Variants in TMC7 observed in about 807,000 individuals in gnomAD.
TMC7 encodes the protein transmembrane channel-like protein 7.
In TMC7, 54 loss-of-function variants were observed where a neutral mutation model predicts 82.9. That is an observed-to-expected ratio of 0.65 (90% CI 0.52 to 0.82). The LOEUF is 0.82. TMC7 is among the 40% of genes least tolerant of loss of function. The pLI is 0.00. For missense variants in TMC7, 820 were observed against 901.2 expected, an observed-to-expected ratio of 0.91 and a Z score of 1.15; for synonymous variants, 350 against 337.9, an observed-to-expected ratio of 1.04 and a Z score of -0.39.
At chr16:19,041,005 C>G (rs1298353631) in intron 9 of TMC7, among the ~76,000 whole-genome samples, 1 of 151,740 alleles carries the variant, frequency 6.6e-6, no homozygotes, top group African/African-American at 2.4e-5. Flanking sequence ...ATCCTCCCAC[C>G]TCAGCCTCCC....
intron 1 of TMC7, among the ~76,000 whole-genome samples, chr16:18,988,156 CTTTTTT>C (rs760359195): frequency 7.8e-6 from 1 of 128,978 alleles, no homozygotes; most frequent in Admixed American, 8.0e-5. Context: ...TTCTCTCTTT[CTTTTTT>C]TTTTTTTTTT....
At chr16:19,058,888 C>CT (rs1961883465) in intron 14 of TMC7, among the ~76,000 whole-genome samples, 1 of 151,512 alleles carries the variant, frequency 6.6e-6, no homozygotes, top group South Asian at 2.1e-4. Flanking sequence ...TTTTCTTTTC[C>CT]TTTTTTTTAG....
intron 1 of TMC7, among the ~76,000 whole-genome samples, chr16:19,004,462 T>A (rs1400454713): frequency 6.6e-6 from 1 of 152,130 alleles, no homozygotes; most frequent in South Asian, 2.1e-4. Context: ...CCTCCTGGCT[T>A]CAAGCAATTC....
chr16:19,041,384 G>A (rs977263051), intron 9 of TMC7, among the ~76,000 whole-genome samples: 4 of 145,878 alleles, frequency 2.7e-5, no homozygotes, highest in Non-Finnish European at 6.0e-5. Context: ...TTTTTTTTTT[G>A]AGACGGAGAC....
chr16:19,045,245 C>A, intron 10 of TMC7, 96 bp from the exon 11 acceptor site: 2 of 1,028,856 alleles, frequency 1.9e-6, no homozygotes, highest in Non-Finnish European at 3.0e-6. Flanking sequence ...GCCACAGGAT[C>A]TGGAGTTGGA....
chr16:19,038,808 G>T (rs996341463), intron 8 of TMC7, among the ~76,000 whole-genome samples: 23 of 151,988 alleles, frequency 1.5e-4, no homozygotes, highest in African/African-American at 4.6e-4. Flanking sequence ...GTTAGCCACC[G>T]CACCTGGCCT....
chr16:19,043,938 C>T (rs1251805810), intron 9 of TMC7, among the ~76,000 whole-genome samples: 4 of 150,458 alleles, frequency 2.7e-5, no homozygotes, highest in Admixed American at 6.7e-5. Context: ...GGTGTGATCT[C>T]GGCTCACTGC....
At chr16:18,987,849 C>T (rs1183193090) in intron 1 of TMC7, among the ~76,000 whole-genome samples, 5 of 152,148 alleles carry the variant, frequency 3.3e-5, no homozygotes, top group Non-Finnish European at 5.9e-5. Context: ...TCAAGGGACA[C>T]TCAATGAAAG....
chr16:19,022,515 C>G (rs1160774138), intron 4 of TMC7, among the ~76,000 whole-genome samples: 2 of 152,142 alleles, frequency 1.3e-5, no homozygotes, highest in African/African-American at 4.8e-5. Flanking sequence ...CAGTTACCTA[C>G]AGTATTCAGT....
At chr16:18,999,954 G>A (rs1036661205) in intron 1 of TMC7, among the ~76,000 whole-genome samples, 5 of 151,860 alleles carry the variant, frequency 3.3e-5, no homozygotes, top group Admixed American at 2.6e-4. Flanking sequence ...TAGTAGAGAC[G>A]GGGTTTCACC....
intron 9 of TMC7, among the ~76,000 whole-genome samples, chr16:19,041,059 T>TA (rs201327250): frequency 1.3e-5 from 2 of 151,496 alleles, no homozygotes; most frequent in African/African-American, 4.8e-5. Context: ...CCCAGCTAAT[T>TA]AAAAAAATTT....
chr16:19,009,341 CAG>C lies in TMC7; in HGVS notation c.239_240del (p.Arg80AsnfsTer3). On this transcript the variant is annotated frameshift_variant, in exon 2 of 16. Transcript: ENST00000304381. LOFTEE classifies it high-confidence loss of function. ...TDSYSSQLED[R>X]IAENLSSHSL... ...ACTCTTACAGCTCCCAGCTGGAGGACAGAATCGCTGAAAACCTCAGCAGCCAT... is the reference window on the plus strand; with the variant it reads ...ACTCTTACAGCTCCCAGCTGGAGGACAATCGCTGAAAACCTCAGCAGCCAT... The C allele has an allele frequency of 1.2e-6, 2 of 1,614,164 alleles. No individual in the cohort carries two copies. The highest frequency in any genetic ancestry group is 1.7e-6 in the Non-Finnish European group (2 of 1,180,032).
chr16:19,034,143 C>T (rs934703745), intron 6 of TMC7, among the ~76,000 whole-genome samples: 1 of 152,152 alleles, frequency 6.6e-6, no homozygotes, highest in Non-Finnish European at 1.5e-5. Flanking sequence ...TTGCTTTATC[C>T]ATCAGTTGCA....
rs1420631343 is a variant in TMC7 at position 19,056,096 on chromosome 16, T to TTC, written c.1872-445_1872-444insCT. ...GCATTTTCTTTCTTTCTTTCTTTCT[T>TTC]TTTTTTTTTTGAGACGGAGTTTTGC... On this transcript the variant is annotated intron_variant, in intron 13 of 15. Coordinates refer to ENST00000304381, the MANE Select transcript of TMC7 (RefSeq NM_024847.4). 1.9e-3 allele frequency among the ~76,000 whole-genome samples: 278 copies of TTC among 147,970 alleles called. 1 individual carries two copies. Among genetic ancestry groups the TTC allele is most frequent in the African/African-American group, 6.6e-3 (264 of 40,158 alleles).
rs1411794878 is a variant in TMC7 at position 19,000,195 on chromosome 16, GT to G, written c.68-8976del. ...AATAAAAACAATTCAGCCAGGCATG[GT>G]GGCTCACGCCTGTAATCCCAGCACT... On this transcript the variant is annotated intron_variant, in intron 1 of 15. Transcript: ENST00000304381. Among the ~76,000 whole-genome samples, 17 of 152,234 alleles carry G rather than the reference GT, an allele frequency of 1.1e-4. No individual in the cohort carries two copies. The South Asian group carries it at 3.1e-3, about 28-fold the overall frequency.
chr16:19,030,096 T>C (rs2142236199), intron 5 of TMC7, 128 bp from the exon 6 acceptor site: 1 of 922,924 alleles, frequency 1.1e-6, no homozygotes, highest in East Asian at 2.5e-5. Flanking sequence ...TCTGGGGCTG[T>C]TCCAGTCTCT....
At chr16:19,021,098 G>A (rs747888051) in intron 3 of TMC7, among the ~76,000 whole-genome samples, 6 of 152,002 alleles carry the variant, frequency 3.9e-5, no homozygotes, top group Non-Finnish European at 5.9e-5. Flanking sequence ...CAGATTGCAC[G>A]TGAAAATTAA....
chr16:19,039,146 A>G (rs1015453484), intron 8 of TMC7, among the ~76,000 whole-genome samples: 1 of 141,558 alleles, frequency 7.1e-6, no homozygotes, highest in Non-Finnish European at 1.5e-5. Context: ...GCTGGAGTGC[A>G]GTGGCACGAT....
In TMC7 at chr16:19,063,922, G is replaced by A. The variant is rs936061232; in HGVS notation, c.*2079G>A. On this transcript the variant is annotated 3_prime_UTR_variant, in exon 16 of 16. Coordinates refer to ENST00000304381, the MANE Select transcript of TMC7 (RefSeq NM_024847.4). ...TGTGCCTTACAACTCCTGATTAAAC[G>A]GCGTCTTGAAGGTTTTAAAATGTGA... 2.6e-5 allele frequency: 4 copies of A among 152,162 alleles called. No homozygotes were observed. In the East Asian group the frequency reaches 5.8e-4, roughly 22 times the overall value. 9.4% of individuals were successfully genotyped at this position (152,162 alleles called of 1,614,324 possible). A position where few individuals can be genotyped will look rare whatever the true frequency, so the allele number is the denominator to read the frequency against.
Sources: gnomAD v4.1 joint callset for allele counts (sites outside exome capture counted in the v4.1 genomes callset) on GRCh38, gnomAD v4.1.1 for gene constraint, MANE v1.5 for transcripts, NCBI Gene and HGNC (gene_info 2026-07-23, HGNC 2026-07-21) for gene names.